Variants in TMEM131 observed in about 807,000 individuals in gnomAD.
TMEM131 encodes 2610524E03Rik.
A neutral mutation model predicts 211.6 loss-of-function variants in TMEM131; 66 were observed. That is an observed-to-expected ratio of 0.31 (90% CI 0.26 to 0.38). The LOEUF is 0.38. Ranked by LOEUF, TMEM131 falls within the 10% of genes least tolerant of loss-of-function variation. The pLI is 1.00. For synonymous variants in TMEM131, 844 were observed against 841.3 expected (o/e 1.00, Z -0.06); for missense variants, 2,036 against 2,299.3 (o/e 0.89, Z 2.34).
At chr2:97,804,240 C>T (rs1681173506) in intron 22 of TMEM131, among the ~76,000 whole-genome samples, 1 of 152,082 alleles carries the variant, frequency 6.6e-6, no homozygotes, top group South Asian at 2.1e-4. Context: ...CAAATCAATA[C>T]ATTTTTTGTT....
chr2:97,813,488 T>A (rs979828816), intron 15 of TMEM131, among the ~76,000 whole-genome samples: 4 of 152,176 alleles, frequency 2.6e-5, no homozygotes, highest in Non-Finnish European at 5.9e-5. Context: ...CAGGAGTACC[T>A]TCATTGTTTC....
intron 29 of TMEM131, among the ~76,000 whole-genome samples, chr2:97,794,703 A>G (rs557599969): frequency 1.3e-5 from 2 of 152,328 alleles, no homozygotes; most frequent in South Asian, 4.1e-4. Context: ...AATGTACTTA[A>G]TTTGTATAAC....
At chr2:97,837,480 C>T (rs899337140) in intron 7 of TMEM131, among the ~76,000 whole-genome samples, 8 of 152,104 alleles carry the variant, frequency 5.3e-5, no homozygotes, top group African/African-American at 1.4e-4. Context: ...CAAAAATTAC[C>T]AAGTTTTGGA....
At position 97,758,914 on chromosome 2, in the gene TMEM131, GCCGGAA is replaced by G; in HGVS notation, c.5340_5345del (p.Gly1782_Ser1783del). ...TCACTGTGGCTGTGTGGGTCGGGGA[GCCGGAA>G]CTGGCTGGCCAGGAAGGACTGGGAT... On this transcript the variant is annotated inframe_deletion, in exon 40 of 41. Coordinates refer to ENST00000186436, the MANE Select transcript of TMEM131 (RefSeq NM_015348.2). The G allele has an allele frequency of 6.2e-7, 1 of 1,613,058 alleles. No homozygotes were observed. The highest frequency in any genetic ancestry group is 8.5e-7 in the Non-Finnish European group (1 of 1,179,448).
intron 1 of TMEM131, among the ~76,000 whole-genome samples, chr2:97,980,966 T>A (rs1679761888): frequency 7.3e-6 from 1 of 136,976 alleles, no homozygotes; most frequent in African/African-American, 2.8e-5. Flanking sequence ...ATGTTCTGTA[T>A]CCTGACTATG....
Position 97,802,740 on chromosome 2 carries a change from G to A in TMEM131, c.2453C>T (p.Ser818Leu). The change falls in exon 23 of 41, where the codon TCA becomes TTA. Residue 818 changes from serine (S) to leucine (L), a missense_variant. Transcript: ENST00000186436. ...CCAGGAGAGCTCAGCAGTGATTTTT[G>A]ATATTATATTTTTTTGAAGGTCTGT... is the stretch of plus-strand genomic sequence containing the variant. Reference protein sequence around the residue: ...VNTDLQKNIISKITAELSWPS... With the variant: ...VNTDLQKNIILKITAELSWPS... 13 of 1,576,648 alleles carry A rather than the reference G, an allele frequency of 8.2e-6. No individual in the cohort carries two copies. The highest frequency in any genetic ancestry group is 1.1e-5 in the Non-Finnish European group (13 of 1,167,474).
Position 97,759,595 on chromosome 2 carries a change from C to A in TMEM131, c.5206+57G>T, listed in dbSNP as rs944473963. On this transcript the variant is annotated intron_variant, in intron 39 of 40. Coordinates refer to ENST00000186436, the MANE Select transcript of TMEM131 (RefSeq NM_015348.2). ...TCTCCAGCACACAAAACCACACCTC[C>A]TCTCCCTTCCTCTGTCCACAGGCTT... is the stretch of plus-strand genomic sequence containing the variant. 6 of 1,417,798 alleles carry A rather than the reference C, an allele frequency of 4.2e-6. No homozygotes were observed. The Middle Eastern group carries it at 7.1e-4, about 167-fold the overall frequency. 87.8% of individuals were successfully genotyped at this position (1,417,798 alleles called of 1,614,324 possible). A position where few individuals can be genotyped will look rare whatever the true frequency, so the allele number is the denominator to read the frequency against.
intron 2 of TMEM131, chr2:97,911,759 T>G: frequency 1.7e-6 from 1 of 588,110 alleles, no homozygotes; most frequent in Non-Finnish European, 2.1e-6. Context: ...TTAACTGTAA[T>G]AAACAAGAAT....
chr2:97,767,765 TG>T (rs1002650151), intron 33 of TMEM131, among the ~76,000 whole-genome samples: 2 of 152,212 alleles, frequency 1.3e-5, no homozygotes, highest in Non-Finnish European at 2.9e-5. Flanking sequence ...CCCTCAAGTG[TG>T]TGATACTACT....
intron 1 of TMEM131, among the ~76,000 whole-genome samples, chr2:97,946,175 T>C (rs528272791): frequency 6.6e-6 from 1 of 151,486 alleles, no homozygotes; most frequent in South Asian, 2.1e-4. Context: ...CTATATTGCA[T>C]ACTCATATAT....
At chr2:97,797,223 A>C in intron 26 of TMEM131, 142 bp downstream of exon 26, 1 of 888,520 alleles carries the variant, frequency 1.1e-6, no homozygotes, top group African/African-American at 1.7e-5. Context: ...GGTATGTTTC[A>C]TCAGGCATGG....
At chr2:97,848,577 T>C (rs995820017) in intron 5 of TMEM131, among the ~76,000 whole-genome samples, 4 of 152,224 alleles carry the variant, frequency 2.6e-5, no homozygotes, top group Non-Finnish European at 4.4e-5. Context: ...GTATTATTTG[T>C]TTGAACATGT....
rs74765938 is a variant in TMEM131 at position 97,981,699 on chromosome 2, G to C, written c.187+13777C>G. 8.4e-4 allele frequency among the ~76,000 whole-genome samples: 128 copies of C among 151,608 alleles called. No homozygotes were observed. In the East Asian group the frequency reaches 0.022, roughly 27 times the overall value. ...AGAAAAACCCTTGTACCCATCATCAGTCACTCCCTACACTGCTCTCCATAG... is the reference window on the plus strand; with the variant it reads ...AGAAAAACCCTTGTACCCATCATCACTCACTCCCTACACTGCTCTCCATAG... On this transcript the variant is annotated intron_variant, in intron 1 of 40. Transcript: ENST00000186436.
chr2:97,917,628 G>A (rs1383726186), intron 2 of TMEM131, among the ~76,000 whole-genome samples: 5 of 152,124 alleles, frequency 3.3e-5, no homozygotes, highest in South Asian at 2.1e-4. Context: ...CAATCATGGC[G>A]GAAGGGGAAG....
chr2:97,941,584 G>A (rs1266892561), intron 1 of TMEM131, among the ~76,000 whole-genome samples: 1 of 152,138 alleles, frequency 6.6e-6, no homozygotes, highest in African/African-American at 2.4e-5. Flanking sequence ...ATCTGACAAA[G>A]GGCTAATATC....
In TMEM131 at chr2:97,759,641, T is replaced by TA; in HGVS notation, c.5206+10dup. 2 of 1,605,746 alleles carry TA rather than the reference T, an allele frequency of 1.2e-6. No homozygotes were observed. The highest frequency in any genetic ancestry group is 1.7e-6 in the Non-Finnish European group (2 of 1,173,850). ...GGCTTATTAGTTACACATCTAGTGT[T>TA]AAACACTCACCACCAGTTAGATTAA... On this transcript the variant is annotated intron_variant, in intron 39 of 40. Coordinates refer to ENST00000186436, the MANE Select transcript of TMEM131 (RefSeq NM_015348.2).
intron 31 of TMEM131, among the ~76,000 whole-genome samples, chr2:97,780,343 C>T (rs969391831): frequency 6.6e-6 from 1 of 152,164 alleles, no homozygotes; most frequent in African/African-American, 2.4e-5. Context: ...CTTTCTCATG[C>T]ACCTCCACTG....
At chr2:97,793,114 G>T in intron 30 of TMEM131, 130 bp from the exon 31 acceptor site, 1 of 717,562 alleles carries the variant, frequency 1.4e-6, no homozygotes, top group Non-Finnish European at 2.2e-6. Flanking sequence ...GCAAGAAATA[G>T]GGAAATTTCT....
At chr2:97,964,185 C>A (rs1678942885) in intron 1 of TMEM131, among the ~76,000 whole-genome samples, 1 of 152,046 alleles carries the variant, frequency 6.6e-6, no homozygotes, top group African/African-American at 2.4e-5. Flanking sequence ...TGTCCCCAGA[C>A]AAAATAATAA....
Sources: allele counts gnomAD v4.1 joint callset (sites outside exome capture counted in the v4.1 genomes callset), GRCh38; gene constraint gnomAD v4.1.1; transcripts MANE v1.5; gene names NCBI Gene and HGNC (gene_info 2026-07-23, HGNC 2026-07-21).